The following SLMAP variants were observed in gnomAD, a reference collection of about 807,000 sequenced individuals.
SLMAP encodes the protein sarcolemmal membrane-associated protein.
Under a neutral mutation model 128.8 loss-of-function variants are expected in SLMAP, and 44 were observed. The observed-to-expected ratio is 0.34, with a 90% confidence interval of 0.27 to 0.44. The LOEUF (loss-of-function observed/expected upper bound fraction) is 0.44. Among genes scored for constraint, SLMAP ranks in the 20% least tolerant of loss-of-function variants. SLMAP has a pLI of 1.00. For synonymous variants in SLMAP, 327 were observed against 348.8 expected, an observed-to-expected ratio of 0.94 and a Z score of 0.70; for missense variants, 787 against 985.3, an observed-to-expected ratio of 0.80 and a Z score of 2.69.
intron 2 of SLMAP, chr3:57,801,406 G>C (rs1028252694): frequency 4.6e-4 from 70 of 152,938 alleles, no homozygotes; most frequent in African/African-American, 1.6e-3. Context: ...TGCCTCATTT[G>C]CAAAATTACA....
At chr3:57,794,981 A>T (rs1174435699) in intron 2 of SLMAP, among the ~76,000 whole-genome samples, 1 of 152,186 alleles carries the variant, frequency 6.6e-6, no homozygotes, top group Non-Finnish European at 1.5e-5. Context: ...CTCCGTGTTT[A>T]ACATCTTGAG....
At chr3:57,861,222 T>G (rs892912643) in intron 9 of SLMAP, among the ~76,000 whole-genome samples, 1 of 152,142 alleles carries the variant, frequency 6.6e-6, no homozygotes, top group African/African-American at 2.4e-5. Flanking sequence ...TCTTTTTTAA[T>G]TCACTCTGCA....
At chr3:57,925,736 T>G in intron 23 of SLMAP, 109 bp from the exon 24 acceptor site, 1 of 725,134 alleles carries the variant, frequency 1.4e-6, no homozygotes, top group Non-Finnish European at 2.4e-6. Context: ...GTGGTATACT[T>G]CTATTATTTC....
chr3:57,926,640 A>C (rs2097014647), intron 24 of SLMAP, among the ~76,000 whole-genome samples: 1 of 152,254 alleles, frequency 6.6e-6, no homozygotes, highest in African/African-American at 2.4e-5. Context: ...AAAAGCTAGC[A>C]GGCAACAGCC....
chr3:57,799,613 T>C (rs2087699846), intron 2 of SLMAP, among the ~76,000 whole-genome samples: 1 of 152,198 alleles, frequency 6.6e-6, no homozygotes, highest in African/African-American at 2.4e-5. Flanking sequence ...TATTTTTCAG[T>C]TAAAATTTCC....
At chr3:57,835,121 CAAAAAAAAAA>C (rs60166193) in intron 3 of SLMAP, among the ~76,000 whole-genome samples, 2 of 37,662 alleles carry the variant, frequency 5.3e-5, no homozygotes, top group Non-Finnish European at 9.0e-5. Flanking sequence ...GACCCTGTCT[CAAAAAAAAAA>C]AAAAAAAAAA....
chr3:57,904,010 G>A, intron 17 of SLMAP, among the ~76,000 whole-genome samples: 1 of 152,148 alleles, frequency 6.6e-6, no homozygotes, highest in East Asian at 1.9e-4. Flanking sequence ...AATACAGTGA[G>A]CCCTTGATCA....
intron 2 of SLMAP, among the ~76,000 whole-genome samples, chr3:57,818,469 T>C (rs1043863378): frequency 2.6e-5 from 4 of 152,224 alleles, no homozygotes; most frequent in African/African-American, 9.6e-5. Flanking sequence ...TCCTGATTTC[T>C]TTATCTGAAG....
Position 57,912,667 on chromosome 3 carries a change from G to T in SLMAP, c.1986G>T (p.Glu662Asp). The T allele has an allele frequency of 6.2e-7, 1 of 1,613,116 alleles. No individual in the cohort carries two copies. The change falls in exon 20 of 25, where the codon GAG (glutamate) becomes GAT (aspartate). Residue 662 changes from glutamate to aspartate, a missense_variant. Glu to Asp is a conservative substitution (Grantham distance 45). Transcript: ENST00000671191. ...NSFQLRCQQC[E>D]DQQREEATRL... Reference sequence around the variant, plus strand: ...TTCAGCTTAGATGTCAACAGTGTGAGGACCAGCAGAGAGAAGAAGCAACAA... The same window carrying T: ...TTCAGCTTAGATGTCAACAGTGTGATGACCAGCAGAGAGAAGAAGCAACAA...
At chr3:57,916,142 G>A (rs963382339) in intron 21 of SLMAP, among the ~76,000 whole-genome samples, 2 of 151,130 alleles carry the variant, frequency 1.3e-5, no homozygotes, top group East Asian at 3.9e-4. Context: ...GGCAACAAGA[G>A]CGAAACTCTG....
At chr3:57,884,993 C>T (rs1239651115) in intron 14 of SLMAP, among the ~76,000 whole-genome samples, 2 of 150,120 alleles carry the variant, frequency 1.3e-5, no homozygotes, top group Admixed American at 6.6e-5. Context: ...AGACAGAGAT[C>T]AAACCAAAAA....
intron 2 of SLMAP, among the ~76,000 whole-genome samples, chr3:57,810,649 G>A (rs1438383122): frequency 2.0e-5 from 3 of 152,138 alleles, no homozygotes; most frequent in East Asian, 3.9e-4. Context: ...CTTCCGCTAC[G>A]TCCGCACTGT....
chr3:57,886,673 T>C (rs1451115444), intron 14 of SLMAP, among the ~76,000 whole-genome samples: 3 of 136,584 alleles, frequency 2.2e-5, no homozygotes, highest in Non-Finnish European at 4.6e-5. Flanking sequence ...AGGGGGAGAA[T>C]AAGGGGGAGA....
intron 2 of SLMAP, among the ~76,000 whole-genome samples, chr3:57,804,805 C>T (rs1576756246): frequency 6.6e-6 from 1 of 152,134 alleles, no homozygotes; most frequent in African/African-American, 2.4e-5. Flanking sequence ...TAATAATTTT[C>T]TTCACTGTAG....
chr3:57,892,783 AAC>A (rs141561615), intron 15 of SLMAP, among the ~76,000 whole-genome samples: 332 of 143,578 alleles, frequency 2.3e-3, no homozygotes, highest in African/African-American at 3.5e-3. Context: ...TGTCTCTTAA[AAC>A]ACACACACAC....
chr3:57,841,513 T>G (rs1220765297), intron 4 of SLMAP, 142 bp downstream of exon 4: 1 of 418,146 alleles, frequency 2.4e-6, no homozygotes, highest in Non-Finnish European at 4.2e-6. Context: ...TAGTACTTTT[T>G]GGAATATAAT....
At chr3:57,833,298 A>G (rs998574618) in intron 3 of SLMAP, among the ~76,000 whole-genome samples, 1 of 152,134 alleles carries the variant, frequency 6.6e-6, no homozygotes, top group African/African-American at 2.4e-5. Context: ...ACTCCTTTCC[A>G]CTGTTTTTTC....
At chr3:57,889,387 A>G (rs891892333) in intron 14 of SLMAP, among the ~76,000 whole-genome samples, 9 of 152,206 alleles carry the variant, frequency 5.9e-5, no homozygotes, top group Admixed American at 1.3e-4. Flanking sequence ...TTCTTCACAT[A>G]TATTACAAAT....
Position 57,896,899 on chromosome 3 carries a change from A to G in SLMAP, c.1468A>G (p.Asn490Asp), listed in dbSNP as rs1243865235. ...CGCCCAAATGGATGAGCAAGACCTA[A>G]ATGAGCCTCTTGCCAAAGTGTCCCT... ...TDAQMDEQDL[N>D]EPLAKVSLLK... Residue 490 changes from asparagine to aspartate, a missense_variant, in exon 17 of 25, where the codon AAT becomes GAT. By Grantham distance (23) the Asn-to-Asp change is conservative (BLOSUM62 1). Around this residue, in one of 2 missense-constraint regions of SLMAP, gnomAD observed 715 missense variants for 843.6 expected, o/e 0.85. Transcript: ENST00000671191. 1 of 1,612,214 alleles carries G rather than the reference A, an allele frequency of 6.2e-7. No homozygotes were observed. Among genetic ancestry groups the G allele is most frequent in the African/African-American group, 1.3e-5 (1 of 74,844 alleles).
Sources: allele counts gnomAD v4.1 joint callset (sites outside exome capture counted in the v4.1 genomes callset), GRCh38; gene constraint gnomAD v4.1.1; regional missense constraint gnomAD v4.1.1; transcripts MANE v1.5; gene names NCBI Gene and HGNC (gene_info 2026-07-23, HGNC 2026-07-21).